Variants in DDX28 observed in about 807,000 individuals in gnomAD.
DDX28 encodes probable ATP-dependent RNA helicase DDX28.
Under a neutral mutation model 26.8 loss-of-function variants are expected in DDX28, and 25 were observed. The ratio of observed to expected loss-of-function variants is 0.93; its 90% CI spans 0.68 to 1.30. The LOEUF (loss-of-function observed/expected upper bound fraction) is 1.30, where lower values mean the gene tolerates loss of function less well. DDX28 is among the 50% of genes most tolerant of loss of function. The probability of loss-of-function intolerance (pLI) is 0.00; values close to 1 mark genes in which losing one functional copy is unlikely to be tolerated. For missense variants in DDX28, 790 were observed against 695.1 expected (o/e 1.14, Z -1.53); for synonymous variants, 370 against 311.9 (o/e 1.19, Z -1.96).
At position 68,023,012 on chromosome 16, in the gene DDX28, G is replaced by C; in HGVS notation, c.191C>G (p.Pro64Arg). ...CCGCGCCGAAACCAGCAGCGGTCCG[G>C]GTCGAACCAGCACCGGCCTCGGGAG... ...RNLPRPVLVR[P>R]GPLLVSARRP... Residue 64 changes from proline to arginine, a missense_variant, in exon 1 of 1, where the codon CCC becomes CGC. Physicochemically the swap from Pro to Arg is moderately radical, Grantham distance 103. Transcript: ENST00000332395. 4.4e-6 allele frequency: 7 copies of C among 1,576,886 alleles called. No individual in the cohort carries two copies. The highest frequency in any genetic ancestry group is 1.1e-5 in the South Asian group (1 of 88,710).
chr16:68,023,040 T>A lies in DDX28; in HGVS notation c.163A>T (p.Asn55Tyr), dbSNP rs1157828786. 6.3e-7 allele frequency: 1 copy of A among 1,592,696 alleles called. No homozygotes were observed. Among genetic ancestry groups the A allele is most frequent in the Non-Finnish European group, 8.5e-7 (1 of 1,177,060 alleles). Residue 55 changes from asparagine to tyrosine, a missense_variant, in exon 1 of 1, where the codon AAC (asparagine) becomes TAC (tyrosine). Asn to Tyr is a moderately radical substitution (Grantham distance 143). Transcript: ENST00000332395. ...CGAACCAGCACCGGCCTCGGGAGGT[T>A]CCGCCGCCTGCTCTGCCGCTGTTCC... ...QLEQRQSRRR[N>Y]LPRPVLVRPG...
At position 68,022,970 on chromosome 16, in the gene DDX28, T is replaced by C. The variant is rs755226130; in HGVS notation, c.233A>G (p.Gln78Arg). The C allele has an allele frequency of 1.3e-6, 2 of 1,550,494 alleles. No homozygotes were observed. Among genetic ancestry groups the C allele is most frequent in the Non-Finnish European group, 8.7e-7 (1 of 1,155,390 alleles). ...LVSARRPELNQPARLTLGRWE... is the reference protein window; with the variant it reads ...LVSARRPELNRPARLTLGRWE... ...ACGGCCCAGTGTGAGGCGCGCCGGCTGGTTCAACTCCGGCCGCCGCGCCGA... is the reference window on the plus strand; with the variant it reads ...ACGGCCCAGTGTGAGGCGCGCCGGCCGGTTCAACTCCGGCCGCCGCGCCGA... The change falls in exon 1 of 1, where the codon CAG becomes CGG. Residue 78 changes from glutamine (Q) to arginine (R), a missense_variant. Transcript: ENST00000332395.
rs201683338 is a variant in DDX28, at chr16:68,022,024, C to A, written c.1179G>T (p.Arg393Ser). ...CCAGAACAGTTCCTGAGGGACCAGT[C>A]CTTTCTGCTCTGTCACGATGCTTGA... Reference protein sequence around the residue: ...HILKHRDRAERTGPSGTVLVF... With the variant: ...HILKHRDRAESTGPSGTVLVF... The change falls in exon 1 of 1, where the codon AGG becomes AGT. Residue 393 changes from arginine to serine, a missense_variant. Arg to Ser is a moderately radical substitution (Grantham distance 110). Coordinates refer to ENST00000332395, the MANE Select transcript of DDX28 (RefSeq NM_018380.4). The A allele has an allele frequency of 6.2e-7, 1 of 1,614,186 alleles. No individual in the cohort carries two copies.
In DDX28 at chr16:68,023,225, C is replaced by G. The variant is rs1338949532; in HGVS notation, c.-23G>C. The G allele has an allele frequency of 5.0e-6, 8 of 1,593,342 alleles. No homozygotes were observed. The highest frequency in any genetic ancestry group is 1.3e-5 in the African/African-American group (1 of 74,526). ...CATGTTTCCCTTAGTGCGGGAGAAGCGCACATCAGTGACGTCACGGACGCG... is the reference window on the plus strand; with the variant it reads ...CATGTTTCCCTTAGTGCGGGAGAAGGGCACATCAGTGACGTCACGGACGCG... On this transcript the variant is annotated 5_prime_UTR_variant, in exon 1 of 1. Transcript: ENST00000332395.
rs1407371151 is a variant in DDX28, at chr16:68,022,884, A to C, written c.319T>G (p.Phe107Val). Residue 107 changes from phenylalanine (F) to valine (V), a missense_variant, in exon 1 of 1, where the codon TTC becomes GTC. Physicochemically the swap from Phe to Val is conservative, Grantham distance 50. Coordinates refer to ENST00000332395, the MANE Select transcript of DDX28 (RefSeq NM_018380.4). ...WKSRRARRDHFSIERAQQEAP... is the reference protein window; with the variant it reads ...WKSRRARRDHVSIERAQQEAP... ...TCCTGTTGCGCGCGCTCGATGGAGA[A>C]GTGGTCCCGACGCGCGCGTCGACTC... 6.4e-7 allele frequency: 1 copy of C among 1,571,370 alleles called. No individual in the cohort carries two copies. Among genetic ancestry groups the C allele is most frequent in the Non-Finnish European group, 8.6e-7 (1 of 1,159,338 alleles).
chr16:68,023,021 A>C lies in DDX28; in HGVS notation c.182T>G (p.Leu61Arg). The part of the protein sequence containing the change: ...SRRRNLPRPV[L>R]VRPGPLLVSA... ...AACCAGCAGCGGTCCGGGTCGAACC[A>C]GCACCGGCCTCGGGAGGTTCCGCCG... The change falls in exon 1 of 1, where the codon CTG (leucine) becomes CGG (arginine). Residue 61 changes from leucine (L) to arginine (R), a missense_variant. By Grantham distance (102) the Leu-to-Arg change is moderately radical. Coordinates refer to ENST00000332395, the MANE Select transcript of DDX28 (RefSeq NM_018380.4). The C allele has an allele frequency of 6.3e-7, 1 of 1,583,752 alleles. No individual in the cohort carries two copies. The highest frequency in any genetic ancestry group is 1.1e-5 in the South Asian group (1 of 89,338).
rs2033275488 is a variant in DDX28 at position 68,022,984 on chromosome 16, C to T, written c.219G>A (p.Arg73=). 1 of 1,552,542 alleles carries T rather than the reference C, an allele frequency of 6.4e-7. No individual in the cohort carries two copies. Among genetic ancestry groups the T allele is most frequent in the Non-Finnish European group, 8.6e-7 (1 of 1,157,124 alleles). Residue 73 remains arginine, a synonymous_variant, in exon 1 of 1, where the codon CGG becomes CGA. Transcript: ENST00000332395. Reference sequence around the variant, plus strand: ...GGCGCGCCGGCTGGTTCAACTCCGGCCGCCGCGCCGAAACCAGCAGCGGTC... The same window carrying T: ...GGCGCGCCGGCTGGTTCAACTCCGGTCGCCGCGCCGAAACCAGCAGCGGTC... The part of the protein sequence containing the change: ...RPGPLLVSAR[R]PELNQPARLT...
chr16:68,022,970 T>TGGTTCAACTCCGGCC lies in DDX28; in HGVS notation c.218_232dup (p.Arg73_Asn77dup). 6.4e-7 allele frequency: 1 copy of TGGTTCAACTCCGGCC among 1,550,494 alleles called. No individual in the cohort carries two copies. Among genetic ancestry groups the TGGTTCAACTCCGGCC allele is most frequent in the Non-Finnish European group, 8.7e-7 (1 of 1,155,390 alleles). On this transcript the variant is annotated inframe_insertion, in exon 1 of 1. Coordinates refer to ENST00000332395, the MANE Select transcript of DDX28 (RefSeq NM_018380.4). Reference sequence around the variant, plus strand: ...ACGGCCCAGTGTGAGGCGCGCCGGCTGGTTCAACTCCGGCCGCCGCGCCGA... The same window carrying TGGTTCAACTCCGGCC: ...ACGGCCCAGTGTGAGGCGCGCCGGCTGGTTCAACTCCGGCCGGTTCAACTCCGGCCGCCGCGCCGA...
rs1388126752 is a variant in DDX28 at position 68,021,123 on chromosome 16, T to C, written c.*457A>G. On this transcript the variant is annotated 3_prime_UTR_variant, in exon 1 of 1. Transcript: ENST00000332395. ...GTAACTCTGTCTACTGCTAGTCACA[T>C]TTCCTTTCCTTTCCTTTCCCTGGGG... 2.6e-5 allele frequency among the ~76,000 whole-genome samples: 4 copies of C among 151,722 alleles called. No individual in the cohort carries two copies. The highest frequency in any genetic ancestry group is 6.6e-5 in the Admixed American group (1 of 15,168).
chr16:68,022,809 C>T lies in DDX28; in HGVS notation c.394G>A (p.Gly132Ser). The T allele has an allele frequency of 6.3e-7, 1 of 1,583,302 alleles. No individual in the cohort carries two copies. ...GCGTGCAGCACACGGGGCTCCAGGC[C>T]CAGGTCAGCAAAGCTGCCCTTAGAC... ...LSSKGSFADL[G>S]LEPRVLHALQ... Residue 132 changes from glycine to serine, a missense_variant, in exon 1 of 1, where the codon GGC (glycine) becomes AGC (serine). Physicochemically the swap from Gly to Ser is moderately conservative, Grantham distance 56. Coordinates refer to ENST00000332395, the MANE Select transcript of DDX28 (RefSeq NM_018380.4).
At position 68,022,020 on chromosome 16, in the gene DDX28, C is replaced by T; in HGVS notation, c.1183G>A (p.Gly395Ser). ...AACACCAGAACAGTTCCTGAGGGAC[C>T]AGTCCTTTCTGCTCTGTCACGATGC... ...LKHRDRAERT[G>S]PSGTVLVFCN... The change falls in exon 1 of 1, where the codon GGT becomes AGT. Residue 395 changes from glycine (G) to serine (S), a missense_variant. Coordinates refer to ENST00000332395, the MANE Select transcript of DDX28 (RefSeq NM_018380.4). The T allele has an allele frequency of 6.2e-7, 1 of 1,614,196 alleles. No homozygotes were observed. The highest frequency in any genetic ancestry group is 8.5e-7 in the Non-Finnish European group (1 of 1,180,044).
chr16:68,022,868 G>A lies in DDX28; in HGVS notation c.335C>T (p.Ala112Val). Reference sequence around the variant, plus strand: ...TCGCACCGCTGGCGCCTCCTGTTGCGCGCGCTCGATGGAGAAGTGGTCCCG... The same window carrying A: ...TCGCACCGCTGGCGCCTCCTGTTGCACGCGCTCGATGGAGAAGTGGTCCCG... ...ARRDHFSIER[A>V]QQEAPAVRKL... Residue 112 changes from alanine to valine, a missense_variant, in exon 1 of 1, where the codon GCG becomes GTG. Ala to Val is a moderately conservative substitution (Grantham distance 64). Transcript: ENST00000332395. The A allele has an allele frequency of 1.3e-6, 2 of 1,572,586 alleles. No homozygotes were observed. Among genetic ancestry groups the A allele is most frequent in the Non-Finnish European group, 8.6e-7 (1 of 1,159,642 alleles).
At position 68,022,497 on chromosome 16, in the gene DDX28, C is replaced by G. The variant is rs11644733; in HGVS notation, c.706G>C (p.Asp236His). Residue 236 changes from aspartate to histidine, a missense_variant, in exon 1 of 1, where the codon GAC becomes CAC. By Grantham distance (81) the Asp-to-His change is moderately conservative. Transcript: ENST00000332395. ...LGRSLGLLVRDLEGGHGMRRI... is the reference protein window; with the variant it reads ...LGRSLGLLVRHLEGGHGMRRI... ...CGCATGCCGTGGCCTCCCTCCAGGT[C>G]CCGCACCAGCAGGCCCAAGGAGCGG... The G allele has an allele frequency of 8.3e-4, 1,341 of 1,613,866 alleles. 8 individuals carry two copies. The highest frequency in any genetic ancestry group is 4.9e-4 in the Non-Finnish European group (583 of 1,180,022).
chr16:68,021,836 A>C lies in DDX28; in HGVS notation c.1367T>G (p.Ile456Arg), dbSNP rs770840986. 6.2e-7 allele frequency: 1 copy of C among 1,614,182 alleles called. No individual in the cohort carries two copies. The highest frequency in any genetic ancestry group is 1.7e-5 in the Admixed American group (1 of 60,018). ...SSRDILLCTDIASRGLDSTGV... is the reference protein window; with the variant it reads ...SSRDILLCTDRASRGLDSTGV... ...AGTGCTGTCCAGGCCCCGAGAGGCT[A>C]TGTCTGTGCAGAGAAGTATGTCTCG... The change falls in exon 1 of 1, where the codon ATA becomes AGA. Residue 456 changes from isoleucine to arginine, a missense_variant. Coordinates refer to ENST00000332395, the MANE Select transcript of DDX28 (RefSeq NM_018380.4).
chr16:68,021,926 C>A lies in DDX28; in HGVS notation c.1277G>T (p.Arg426Met). ...ILDDHKIQHLRLQGQMPALMR... is the reference protein window; with the variant it reads ...ILDDHKIQHLMLQGQMPALMR... ...CAAGGCTGGCATTTGCCCCTGCAAC[C>A]TTAGGTGTTGGATTTTGTGGTCATC... is the stretch of plus-strand genomic sequence containing the variant. Residue 426 changes from arginine (R) to methionine (M), a missense_variant, in exon 1 of 1, where the codon AGG becomes ATG. Arg to Met is a moderately conservative substitution (Grantham distance 91). Coordinates refer to ENST00000332395, the MANE Select transcript of DDX28 (RefSeq NM_018380.4). 4.3e-6 allele frequency: 7 copies of A among 1,614,210 alleles called. No homozygotes were observed. The highest frequency in any genetic ancestry group is 5.9e-6 in the Non-Finnish European group (7 of 1,180,040).
In DDX28 at chr16:68,023,210, T is replaced by C; in HGVS notation, c.-8A>G. 6.2e-7 allele frequency: 1 copy of C among 1,604,396 alleles called. No individual in the cohort carries two copies. Among genetic ancestry groups the C allele is most frequent in the Non-Finnish European group, 8.5e-7 (1 of 1,175,286 alleles). Reference sequence around the variant, plus strand: ...CGGCCGCGTTAGAGCCATGTTTCCCTTAGTGCGGGAGAAGCGCACATCAGT... The same window carrying C: ...CGGCCGCGTTAGAGCCATGTTTCCCCTAGTGCGGGAGAAGCGCACATCAGT... On this transcript the variant is annotated 5_prime_UTR_variant, in exon 1 of 1. Coordinates refer to ENST00000332395, the MANE Select transcript of DDX28 (RefSeq NM_018380.4).
chr16:68,022,325 T>A lies in DDX28; in HGVS notation c.878A>T (p.Asp293Val). The change falls in exon 1 of 1, where the codon GAT becomes GTT. Residue 293 changes from aspartate (D) to valine (V), a missense_variant. By Grantham distance (152) the Asp-to-Val change is radical (BLOSUM62 -3). Coordinates refer to ENST00000332395, the MANE Select transcript of DDX28 (RefSeq NM_018380.4). ...GTCCACCAGTTCCAGGAAGCTTTCA[T>A]CCAGCAGTGTGTCTGCCTCATCCAA... Reference protein sequence around the residue: ...LVLDEADTLLDESFLELVDYI... With the variant: ...LVLDEADTLLVESFLELVDYI... The A allele has an allele frequency of 1.2e-6, 2 of 1,614,220 alleles. No individual in the cohort carries two copies. Among genetic ancestry groups the A allele is most frequent in the Non-Finnish European group, 1.7e-6 (2 of 1,180,034 alleles).
In DDX28 at chr16:68,022,628, C is replaced by G. The variant is rs755850363; in HGVS notation, c.575G>C (p.Gly192Ala). The change falls in exon 1 of 1, where the codon GGC becomes GCC. Residue 192 changes from glycine (G) to alanine (A), a missense_variant. Gly to Ala is a moderately conservative substitution (Grantham distance 60). Coordinates refer to ENST00000332395, the MANE Select transcript of DDX28 (RefSeq NM_018380.4). ...AGGAAGGGAGTCCAGGCTTGGCTGG[C>G]CCAAGAGCCGTTGAAGCAGCGGCAG... ...YLLPLLQRLL[G>A]QPSLDSLPIP... is the part of the protein sequence containing the mutation. 65 of 1,612,980 alleles carry G rather than the reference C, an allele frequency of 4.0e-5. No individual in the cohort carries two copies. The highest frequency in any genetic ancestry group is 5.4e-5 in the Non-Finnish European group (64 of 1,179,780).
In DDX28 at chr16:68,022,411, C is replaced by T; in HGVS notation, c.792G>A (p.Gly264=). 2 of 1,614,102 alleles carry T rather than the reference C, an allele frequency of 1.2e-6. No individual in the cohort carries two copies. Among genetic ancestry groups the T allele is most frequent in the Non-Finnish European group, 1.7e-6 (2 of 1,180,030 alleles). ...GACTTTTCAGGGCCTTCCACAGAGCCCCTGGAGTGGCCACAAGCACATCTG... is the reference window on the plus strand; with the variant it reads ...GACTTTTCAGGGCCTTCCACAGAGCTCCTGGAGTGGCCACAAGCACATCTG... The part of the protein sequence containing the change: ...PSADVLVATP[G]ALWKALKSRL... The change falls in exon 1 of 1, where the codon GGG becomes GGA. Residue 264 remains glycine, a synonymous_variant. Coordinates refer to ENST00000332395, the MANE Select transcript of DDX28 (RefSeq NM_018380.4).
Sources: gnomAD v4.1 joint callset for allele counts (sites outside exome capture counted in the v4.1 genomes callset) on GRCh38, gnomAD v4.1.1 for gene constraint, MANE v1.5 for transcripts, NCBI Gene and HGNC (gene_info 2026-07-23, HGNC 2026-07-21) for gene names.